Variants in KLF13 observed in about 807,000 individuals in gnomAD.
KLF13 encodes the protein KLF transcription factor 13, also known as Krueppel-like factor 13.
In KLF13, 8 loss-of-function variants were observed where a neutral mutation model predicts 16.7. The observed-to-expected ratio is 0.48, with a 90% CI of 0.28 to 0.87. KLF13 has a LOEUF of 0.87. Among genes scored for constraint, KLF13 ranks in the 40% least tolerant of loss-of-function variants. KLF13 has a pLI of 0.10. For synonymous variants in KLF13, 245 were observed against 208.4 expected (o/e 1.18, Z -1.51); for missense variants, 447 against 452.2 (o/e 0.99, Z 0.10).
chr15:31,427,976 G>A lies in KLF13; in HGVS notation n.118-7394G>A, dbSNP rs73368628. Reference sequence around the variant, plus strand: ...CCAATACTGGGAATTAGAATTCAACGTGAAATTTGGGTGGGGACACAGACC... The same window carrying A: ...CCAATACTGGGAATTAGAATTCAACATGAAATTTGGGTGGGGACACAGACC... On this transcript the variant is annotated intron_variant and non_coding_transcript_variant, in intron 1 of 1. Coordinates refer to the KLF13 transcript ENST00000558225. Among the ~76,000 whole-genome samples the A allele has an allele frequency of 4.2e-3, 643 of 152,252 alleles. 7 individuals carry two copies. The highest frequency in any genetic ancestry group is 0.014 in the African/African-American group (590 of 41,562).
At chr15:31,405,447 G>A (rs976617749), downstream of KLF13, among the ~76,000 whole-genome samples, 9 of 152,230 alleles carry the variant, frequency 5.9e-5, no homozygotes, top group East Asian at 1.9e-4. Context: ...ATATGCTGGC[G>A]CCTTAATTTT....
In KLF13 at chr15:31,428,001, C is replaced by T. The variant is rs189783043; in HGVS notation, n.118-7369C>T. 3.3e-5 allele frequency among the ~76,000 whole-genome samples: 5 copies of T among 152,144 alleles called. No homozygotes were observed. In the East Asian group the frequency reaches 7.7e-4, roughly 23 times the overall value. ...GTGAAATTTGGGTGGGGACACAGAC[C>T]CAAACCATATCAAATGGAATATTAT... is the stretch of plus-strand genomic sequence containing the variant. On this transcript the variant is annotated intron_variant and non_coding_transcript_variant, in intron 1 of 1. Transcript: ENST00000558225.
intron 1 of KLF13, among the ~76,000 whole-genome samples, chr15:31,340,963 C>T (rs1205234302): frequency 2.0e-5 from 3 of 152,308 alleles, no homozygotes; most frequent in South Asian, 4.1e-4. Context: ...GGGAGTTTCA[C>T]GGGAGACCCA....
chr15:31,401,341 G>A (rs1054544066), intron 2 of KLF13, among the ~76,000 whole-genome samples: 3 of 152,198 alleles, frequency 2.0e-5, no homozygotes, highest in Non-Finnish European at 2.9e-5. Context: ...CTCTTTTCAC[G>A]AAGTCCTTGC....
chr15:31,388,538 A>G (rs563549185), upstream of KLF13, among the ~76,000 whole-genome samples: 18 of 151,446 alleles, frequency 1.2e-4, no homozygotes, highest in South Asian at 3.8e-3. Context: ...GAATCGCTTG[A>G]ACCCAGGAGG....
At chr15:31,346,570 C>T (rs567744717) in intron 1 of KLF13, among the ~76,000 whole-genome samples, 15 of 152,362 alleles carry the variant, frequency 9.8e-5, no homozygotes, top group African/African-American at 3.6e-4. Flanking sequence ...CCTCATGCTG[C>T]CCCCTGCCCC....
intron 2 of KLF13, among the ~76,000 whole-genome samples, chr15:31,394,411 C>T (rs1471989384): frequency 1.3e-5 from 2 of 151,620 alleles, no homozygotes; most frequent in African/African-American, 4.8e-5. Context: ...GGCCTGAACC[C>T]GGGAGGCGGA....
intron 2 of KLF13, among the ~76,000 whole-genome samples, chr15:31,397,874 C>T (rs370687572): frequency 2.2e-5 from 2 of 90,422 alleles, no homozygotes; most frequent in Non-Finnish European, 4.3e-5. Flanking sequence ...GGGGTGGCGG[C>T]GGGGGGGGTG....
intron 1 of KLF13, among the ~76,000 whole-genome samples, chr15:31,345,816 C>G (rs1467128390): frequency 6.6e-6 from 1 of 152,138 alleles, no homozygotes; most frequent in African/African-American, 2.4e-5. Context: ...ATGCTGTGGG[C>G]CACACGAGGT....
At position 31,423,127 on chromosome 15, in the gene KLF13, ATATACG is replaced by A. The variant is rs201529403; in HGVS notation, n.118-12226_118-12221del. ...TATACGTATACGTATATATACGTAT[ATATACG>A]TATACGTATACGTATATATACGTAT... On this transcript the variant is annotated intron_variant and non_coding_transcript_variant, in intron 1 of 1. Transcript: ENST00000558225. Among the ~76,000 whole-genome samples the A allele has an allele frequency of 6.4e-4, 72 of 112,704 alleles. 3 individuals are homozygous for A. The highest frequency in any genetic ancestry group is 1.3e-3 in the East Asian group (5 of 3,804). The allele number at this position is 112,704 out of a possible 152,430, so 73.9% of individuals were successfully genotyped here.
intron 1 of KLF13, among the ~76,000 whole-genome samples, chr15:31,355,263 G>GT (rs1566814324): frequency 6.6e-6 from 1 of 152,214 alleles, no homozygotes; most frequent in Non-Finnish European, 1.5e-5. Flanking sequence ...CAGAAGGGCA[G>GT]GGTGTCATCT....
Position 31,327,545 on chromosome 15 carries a change from A to G in KLF13, c.333A>G (p.Glu111=), listed in dbSNP as rs2038736468. The change falls in exon 1 of 2, where the codon GAA becomes GAG. Residue 111 remains glutamate, a synonymous_variant. Coordinates refer to ENST00000307145, the MANE Select transcript of KLF13 (RefSeq NM_015995.4). The part of the protein sequence containing the change: ...PAPEPTSPGA[E]GAAAAPPSPA... Reference sequence around the variant, plus strand: ...CCGAGCCCACCTCCCCCGGCGCCGAAGGCGCGGCGGCCGCGCCCCCCAGCC... The same window carrying G: ...CCGAGCCCACCTCCCCCGGCGCCGAGGGCGCGGCGGCCGCGCCCCCCAGCC... 1 of 1,098,754 alleles carries G rather than the reference A, an allele frequency of 9.1e-7. No individual in the cohort carries two copies. Among genetic ancestry groups the G allele is most frequent in the Non-Finnish European group, 1.1e-6 (1 of 900,968 alleles). 68.1% of individuals were successfully genotyped at this position (1,098,754 alleles called of 1,614,324 possible).
At chr15:31,414,056 G>A (rs1350817177) in intron 1 of KLF13, among the ~76,000 whole-genome samples, 2 of 152,110 alleles carry the variant, frequency 1.3e-5, no homozygotes, top group African/African-American at 4.8e-5. Context: ...TAGATGTAAT[G>A]CATATAAAAA....
At chr15:31,410,315 T>C (rs1475359797) in intron 1 of KLF13, among the ~76,000 whole-genome samples, 1 of 151,230 alleles carries the variant, frequency 6.6e-6, no homozygotes, top group African/African-American at 2.4e-5. Flanking sequence ...AAAGACTGCA[T>C]TAAAAAAAGG....
chr15:31,372,496 A>C lies in KLF13; in HGVS notation c.*197A>C. The C allele has an allele frequency of 1.7e-6, 1 of 591,110 alleles. No individual in the cohort carries two copies. 36.6% of individuals were successfully genotyped at this position (591,110 alleles called of 1,614,324 possible). On this transcript the variant is annotated 3_prime_UTR_variant, in exon 2 of 2. Coordinates refer to ENST00000307145, the MANE Select transcript of KLF13 (RefSeq NM_015995.4). The stretch of plus-strand genomic sequence containing the variant: ...CAAAAAACACCACCCACCAAATTGC[A>C]CAATAGATACACCCACAAAGTTGAG...
At chr15:31,391,355 GC>G (rs1441488501), upstream of KLF13, among the ~76,000 whole-genome samples, 5 of 137,390 alleles carry the variant, frequency 3.6e-5, no homozygotes, top group African/African-American at 1.4e-4. Context: ...GGGGCTGAGT[GC>G]GGGGACCTGG....
chr15:31,400,541 A>G lies in KLF13; in HGVS notation n.530-2887A>G, dbSNP rs192711646. 3.5e-3 allele frequency among the ~76,000 whole-genome samples: 540 copies of G among 152,304 alleles called. 1 individual carries two copies. Among genetic ancestry groups the G allele is most frequent in the Non-Finnish European group, 6.1e-3 (418 of 68,016 alleles). ...CAGAGCTGAAGGTGGCTGGTCCCAGAGCTGGGACAGCGGCAAGGCAGGGGG... is the reference window on the plus strand; with the variant it reads ...CAGAGCTGAAGGTGGCTGGTCCCAGGGCTGGGACAGCGGCAAGGCAGGGGG... On this transcript the variant is annotated intron_variant and non_coding_transcript_variant, in intron 2 of 2. Transcript: ENST00000500533.
chr15:31,407,216 ACC>A (rs1300025380), downstream of KLF13, among the ~76,000 whole-genome samples: 1 of 152,172 alleles, frequency 6.6e-6, no homozygotes, highest in African/African-American at 2.4e-5. Context: ...GGTAGCTCAC[ACC>A]TGTAATCCCA....
intron 2 of KLF13, among the ~76,000 whole-genome samples, chr15:31,395,115 G>C (rs2039937226): frequency 6.6e-6 from 1 of 152,138 alleles, no homozygotes; most frequent in Non-Finnish European, 1.5e-5. Context: ...GAGTAGCTGG[G>C]ATTGCAGATG....
Sources: allele counts gnomAD v4.1 joint callset (sites outside exome capture counted in the v4.1 genomes callset), GRCh38; gene constraint gnomAD v4.1.1; transcripts MANE v1.5; gene names NCBI Gene and HGNC (gene_info 2026-07-23, HGNC 2026-07-21).